The following DNM1L variants were observed in gnomAD, a reference collection of about 807,000 sequenced individuals.
The protein encoded by DNM1L is dynamin-1-like protein.
DNM1L carries 33 observed loss-of-function variants against 92.8 expected under a neutral mutation model. That is an observed-to-expected ratio of 0.36 (90% CI 0.27 to 0.48). The LOEUF (loss-of-function observed/expected upper bound fraction) is 0.48, where lower values mean the gene tolerates loss of function less well. Among genes scored for constraint, DNM1L ranks in the 20% least tolerant of loss-of-function variants. The pLI, the probability that DNM1L is intolerant of heterozygous loss-of-function variation, is 0.99. For synonymous variants in DNM1L, 284 were observed against 305.0 expected (o/e 0.93, Z 0.72); for missense variants, 485 against 888.8 (o/e 0.55, Z 5.78).
At chr12:32,717,181 A>T (rs1953431480) in intron 6 of DNM1L, among the ~76,000 whole-genome samples, 1 of 120,280 alleles carries the variant, frequency 8.3e-6, no homozygotes, top group Non-Finnish European at 1.6e-5. Flanking sequence ...AAATATATAT[A>T]GTATATACTA....
At chr12:32,733,903 A>C in intron 13 of DNM1L, 96 bp downstream of exon 13, 1 of 1,030,998 alleles carries the variant, frequency 9.7e-7, no homozygotes, top group Admixed American at 1.8e-5. Flanking sequence ...TATAAAATAG[A>C]CATGTGCCAC....
intron 12 of DNM1L, among the ~76,000 whole-genome samples, chr12:32,732,900 C>G (rs1473158978): frequency 6.6e-6 from 1 of 152,116 alleles, no homozygotes; most frequent in Non-Finnish European, 1.5e-5. Flanking sequence ...AGTTTGAGAC[C>G]AGCCTGACCA....
At chr12:32,705,911 C>CA (rs752320118) in intron 2 of DNM1L, 1 of 1,538,960 alleles carries the variant, frequency 6.5e-7, no homozygotes, top group East Asian at 2.2e-5. Flanking sequence ...CTTATGCCTG[C>CA]ATGTGTGCTT....
At chr12:32,715,093 C>CTTTTTTT (rs369946346) in intron 6 of DNM1L, among the ~76,000 whole-genome samples, 1 of 139,846 alleles carries the variant, frequency 7.2e-6, no homozygotes, top group Non-Finnish European at 1.6e-5. Flanking sequence ...TTAATCTAAT[C>CTTTTTTT]TTTTTTTTTT....
In DNM1L at chr12:32,743,999, T is replaced by C. The variant is rs1343285136; in HGVS notation, c.*589T>C. 1 of 155,768 alleles carries C rather than the reference T, an allele frequency of 6.4e-6. No homozygotes were observed. The highest frequency in any genetic ancestry group is 1.4e-5 in the Non-Finnish European group (1 of 70,194). The allele number at this position is 155,768 out of a possible 1,614,324, so 9.6% of individuals were successfully genotyped here. A position where few individuals can be genotyped will look rare whatever the true frequency, so the allele number is the denominator to read the frequency against. On this transcript the variant is annotated 3_prime_UTR_variant, in exon 20 of 20. Coordinates refer to ENST00000549701, the MANE Select transcript of DNM1L (RefSeq NM_012062.5). ...AGGATCTGTGACACTGACATGGCTGTGGTGTGCATACTGTGTAGTTACATA... is the reference window on the plus strand; with the variant it reads ...AGGATCTGTGACACTGACATGGCTGCGGTGTGCATACTGTGTAGTTACATA...
chr12:32,737,645 TGGATTTG>T (rs1421496836), intron 14 of DNM1L: 1 of 523,016 alleles, frequency 1.9e-6, no homozygotes, highest in East Asian at 3.5e-5. Context: ...ATGAAGCTTT[TGGATTTG>T]GATTTTTCTT....
Position 32,740,129 on chromosome 12 carries a change from A to G in DNM1L, c.1773A>G (p.Gly591=). The stretch of plus-strand genomic sequence containing the variant: ...AACCAACCACAGGCAACTGGAGAGG[A>G]ATGCTGAAAACTTCAAAAGCTGAAG... The part of the protein sequence containing the change: ...VQEPTTGNWR[G]MLKTSKAEEL... The change falls in exon 17 of 20, where the codon GGA becomes GGG. Residue 591 remains glycine, a synonymous_variant. Coordinates refer to ENST00000549701, the MANE Select transcript of DNM1L (RefSeq NM_012062.5). 6.2e-7 allele frequency: 1 copy of G among 1,614,238 alleles called. No homozygotes were observed. Among genetic ancestry groups the G allele is most frequent in the Non-Finnish European group, 8.5e-7 (1 of 1,180,048 alleles).
Position 32,717,944 on chromosome 12 carries a change from A to AATATAGTATATATAGTATATATATTAT in DNM1L, c.620-680_620-654dup, listed in dbSNP as rs1565519026. On this transcript the variant is annotated intron_variant, in intron 6 of 19. Transcript: ENST00000549701. ...TAGTATATATTTTATATATATATAA[A>AATATAGTATATATAGTATATATATTAT]ATATAGTATATATAGTATATATATT... Among the ~76,000 whole-genome samples, 20 of 90,202 alleles carry AATATAGTATATATAGTATATATATTAT rather than the reference A, an allele frequency of 2.2e-4. No homozygotes were observed. In the East Asian group the frequency reaches 2.5e-3, roughly 11 times the overall value. The allele number at this position is 90,202 out of a possible 152,430, so 59.2% of individuals were successfully genotyped here.
Position 32,727,795 on chromosome 12 carries a change from G to GT in DNM1L, c.1080-3216dup, listed in dbSNP as rs1338963763. 1.1e-4 allele frequency among the ~76,000 whole-genome samples: 16 copies of GT among 152,248 alleles called. No homozygotes were observed. In the East Asian group the frequency reaches 3.1e-3, roughly 29 times the overall value. ...TAGGCCAGTCTCCTACTACTGGATA[G>GT]TTTGTTTTCTGTTATATACACATAT... On this transcript the variant is annotated intron_variant, in intron 9 of 19. Coordinates refer to ENST00000549701, the MANE Select transcript of DNM1L (RefSeq NM_012062.5).
chr12:32,720,799 A>G lies in DNM1L; in HGVS notation c.872+4A>G. 6.2e-7 allele frequency: 1 copy of G among 1,612,714 alleles called. No individual in the cohort carries two copies. Reference sequence around the variant, plus strand: ...ATCTTGCTAGGACTCTAAACAGGTAATTTTTTTACCTTTTGGAAATGAGAT... The same window carrying G: ...ATCTTGCTAGGACTCTAAACAGGTAGTTTTTTTACCTTTTGGAAATGAGAT... On this transcript the variant is annotated splice_donor_region_variant and intron_variant, in intron 8 of 19. Coordinates refer to ENST00000549701, the MANE Select transcript of DNM1L (RefSeq NM_012062.5).
At chr12:32,727,564 A>G (rs1954232714) in intron 9 of DNM1L, 4 of 532,430 alleles carry the variant, frequency 7.5e-6, no homozygotes, top group Non-Finnish European at 1.3e-5. Context: ...CCAACCTGAG[A>G]TAATTCCTAA....
At chr12:32,738,142 A>G in intron 15 of DNM1L, 122 bp from the exon 16 acceptor site, 2 of 1,224,994 alleles carry the variant, frequency 1.6e-6, no homozygotes, top group South Asian at 2.6e-5. Flanking sequence ...TGCTTGCAAT[A>G]TAGAAGATGC....
At chr12:32,708,651 G>A (rs1953014195) in intron 4 of DNM1L, among the ~76,000 whole-genome samples, 1 of 151,608 alleles carries the variant, frequency 6.6e-6, no homozygotes, top group Non-Finnish European at 1.5e-5. Flanking sequence ...GGCTAGATTT[G>A]CTTATGAAAG....
chr12:32,685,141 G>A (rs943133757), intron 1 of DNM1L, among the ~76,000 whole-genome samples: 23 of 151,824 alleles, frequency 1.5e-4, no homozygotes, highest in African/African-American at 5.3e-4. Flanking sequence ...GTTTCACCGT[G>A]TTAGCCAGGA....
intron 9 of DNM1L, among the ~76,000 whole-genome samples, chr12:32,730,429 C>T (rs965058309): frequency 6.6e-6 from 1 of 151,062 alleles, no homozygotes; most frequent in Non-Finnish European, 1.5e-5. Context: ...GGGCTGGGCA[C>T]GGGTGGCTCA....
chr12:32,728,248 A>C (rs557158944), intron 9 of DNM1L: 1 of 152,314 alleles, frequency 6.6e-6, no homozygotes, highest in East Asian at 1.9e-4. Flanking sequence ...GTAGTTCTGT[A>C]TACTTTAGTG....
chr12:32,685,482 T>C (rs1337453497), intron 1 of DNM1L, among the ~76,000 whole-genome samples: 1 of 150,904 alleles, frequency 6.6e-6, no homozygotes, highest in East Asian at 2.0e-4. Context: ...TGCTTCAGCA[T>C]CCTGAGTAGC....
intron 1 of DNM1L, among the ~76,000 whole-genome samples, chr12:32,685,092 A>G (rs1951953228): frequency 6.6e-6 from 1 of 151,662 alleles, no homozygotes; most frequent in African/African-American, 2.4e-5. Flanking sequence ...GGTGCCCGCT[A>G]CCACGCCCAG....
At position 32,723,397 on chromosome 12, in the gene DNM1L, C is replaced by T. The variant is rs10844319; in HGVS notation, c.1079+764C>T. ...AAAAGATTATTTTGCTACCTCAGTT[C>T]GTTAAAAATGGGATTCTGGCCAGGC... is the stretch of plus-strand genomic sequence containing the variant. On this transcript the variant is annotated intron_variant, in intron 9 of 19. Transcript: ENST00000549701. 5.9e-5 allele frequency among the ~76,000 whole-genome samples: 9 copies of T among 152,116 alleles called. No individual in the cohort carries two copies. In the East Asian group the frequency reaches 1.4e-3, roughly 23 times the overall value.
Sources: gnomAD v4.1 joint callset for allele counts (sites outside exome capture counted in the v4.1 genomes callset) on GRCh38, gnomAD v4.1.1 for gene constraint, MANE v1.5 for transcripts, NCBI Gene and HGNC (gene_info 2026-07-23, HGNC 2026-07-21) for gene names.